Variants in PIK3R3 observed in about 807,000 individuals in gnomAD.
The protein encoded by PIK3R3 is phosphoinositide-3-kinase regulatory subunit 3.
A neutral mutation model predicts 62.9 loss-of-function variants in PIK3R3; 64 were observed. The ratio of observed to expected loss-of-function variants is 1.02; its 90% confidence interval spans 0.83 to 1.25. The LOEUF is 1.25. Among genes scored for constraint, PIK3R3 ranks in the 50% most tolerant of loss-of-function variants. PIK3R3 has a pLI of 0.00. For synonymous variants in PIK3R3, 165 were observed against 189.0 expected, an observed-to-expected ratio of 0.87 and a Z score of 1.04; for missense variants, 614 against 561.6, an observed-to-expected ratio of 1.09 and a Z score of -0.94.
At chr1:46,053,574 C>G (rs1441643450) in intron 7 of PIK3R3, among the ~76,000 whole-genome samples, 4 of 152,130 alleles carry the variant, frequency 2.6e-5, no homozygotes, top group Non-Finnish European at 5.9e-5. Context: ...CTAGCTCCTT[C>G]TACCAGGACA....
chr1:46,121,801 G>T (rs1039907646), intron 1 of PIK3R3, among the ~76,000 whole-genome samples: 4 of 152,126 alleles, frequency 2.6e-5, no homozygotes, highest in African/African-American at 7.2e-5. Flanking sequence ...TATGGATAAG[G>T]GTAGATGGTA....
At chr1:46,060,245 T>C (rs988447231) in intron 6 of PIK3R3, among the ~76,000 whole-genome samples, 3 of 152,194 alleles carry the variant, frequency 2.0e-5, no homozygotes, top group African/African-American at 7.2e-5. Flanking sequence ...CCCAGCACTT[T>C]GGGAGGCCAA....
intron 1 of PIK3R3, among the ~76,000 whole-genome samples, chr1:46,111,463 T>C (rs114894477): frequency 2.0e-3 from 311 of 152,156 alleles, no homozygotes; most frequent in African/African-American, 7.1e-3. Context: ...GCAGTGCTCA[T>C]ACCTGTAACC....
chr1:46,155,201 G>A, the PIK3R3 span, among the ~76,000 whole-genome samples: 1 of 151,854 alleles, frequency 6.6e-6, no homozygotes. Flanking sequence ...TGCACCTGTG[G>A]TCCCGCCTAC....
At chr1:46,082,491 G>C (rs1054313488) in intron 1 of PIK3R3, among the ~76,000 whole-genome samples, 1 of 152,314 alleles carries the variant, frequency 6.6e-6, no homozygotes, top group East Asian at 1.9e-4. Context: ...AATGGGATCT[G>C]AGTATGACAT....
chr1:46,073,544 A>G (rs934106155), intron 3 of PIK3R3, among the ~76,000 whole-genome samples: 10 of 152,220 alleles, frequency 6.6e-5, no homozygotes, highest in Non-Finnish European at 1.3e-4. Context: ...TAACCAAGGT[A>G]GATCAGACAC....
chr1:46,067,054 G>A lies in PIK3R3; in HGVS notation c.352C>T (p.Arg118Trp), dbSNP rs139871417. Residue 118 changes from arginine (R) to tryptophan (W), a missense_variant, in exon 4 of 10, where the codon CGG becomes TGG. Arg to Trp is a moderately radical substitution (Grantham distance 101, BLOSUM62 -3). Coordinates refer to ENST00000262741, the MANE Select transcript of PIK3R3 (RefSeq NM_003629.4). ...TCAGAAAAGCCATATTTACCATCCC[G>A]GTGATAGATCTTTATTAACTTATTA... Reference protein sequence around the residue: ...GNNKLIKIYHRDGKYGFSDPL... With the variant: ...GNNKLIKIYHWDGKYGFSDPL... The A allele has an allele frequency of 2.4e-5, 38 of 1,594,578 alleles. No homozygotes were observed. The highest frequency in any genetic ancestry group is 1.2e-4 in the East Asian group (5 of 43,150).
chr1:46,077,534 C>G lies in PIK3R3; in HGVS notation c.295G>C (p.Asp99His). ...VRDASTKMQG[D>H]YTLTLRKGGN... Reference sequence around the variant, plus strand: ...ACTTACCGCAAAGTCAAAGTATAATCTCCCTGCATTTTTGTTGAGGCATCT... The same window carrying G: ...ACTTACCGCAAAGTCAAAGTATAATGTCCCTGCATTTTTGTTGAGGCATCT... Residue 99 changes from aspartate (D) to histidine (H), a missense_variant, in exon 3 of 10, where the codon GAT becomes CAT. Physicochemically the swap from Asp to His is moderately conservative, Grantham distance 81 (BLOSUM62 -1). Coordinates refer to ENST00000262741, the MANE Select transcript of PIK3R3 (RefSeq NM_003629.4). 2 of 1,609,198 alleles carry G rather than the reference C, an allele frequency of 1.2e-6. No homozygotes were observed. The highest frequency in any genetic ancestry group is 1.7e-6 in the Non-Finnish European group (2 of 1,175,608).
the PIK3R3 span, among the ~76,000 whole-genome samples, chr1:46,162,349 C>T: frequency 4.0e-5 from 6 of 151,662 alleles, no homozygotes; most frequent in East Asian, 2.0e-4. Context: ...CTGGGAGTGA[C>T]GGTGTGTGCC....
chr1:46,067,089 T>C lies in PIK3R3; in HGVS notation c.317A>G (p.Lys106Arg), dbSNP rs1438656826. ...CTTTATTAACTTATTATTGCCTCCCTTCCTGTGAACAACAAGACAACAACT... is the reference window on the plus strand; with the variant it reads ...CTTTATTAACTTATTATTGCCTCCCCTCCTGTGAACAACAAGACAACAACT... The part of the protein sequence containing the change: ...MQGDYTLTLR[K>R]GGNNKLIKIY... Residue 106 changes from lysine to arginine, a missense_variant and splice_region_variant, in exon 4 of 10, where the codon AAG becomes AGG. Coordinates refer to ENST00000262741, the MANE Select transcript of PIK3R3 (RefSeq NM_003629.4). 6.4e-7 allele frequency: 1 copy of C among 1,554,082 alleles called. No individual in the cohort carries two copies. Among genetic ancestry groups the C allele is most frequent in the Non-Finnish European group, 8.7e-7 (1 of 1,152,676 alleles).
At chr1:46,169,537 A>C in the PIK3R3 span, among the ~76,000 whole-genome samples, 64,593 of 151,984 alleles carry the variant, frequency 0.42, 13,986 homozygotes, top group South Asian at 0.5. Context: ...GCACTTAAAC[A>C]CAATTTTAGA....
At chr1:46,149,690 C>A in the PIK3R3 span, among the ~76,000 whole-genome samples, 8 of 151,968 alleles carry the variant, frequency 5.3e-5, no homozygotes, top group Non-Finnish European at 5.9e-5. Flanking sequence ...ACCACCACAC[C>A]CAGCTATTTT....
chr1:46,058,315 T>A (rs1451366928), intron 6 of PIK3R3, among the ~76,000 whole-genome samples: 1 of 152,130 alleles, frequency 6.6e-6, no homozygotes, highest in Non-Finnish European at 1.5e-5. Flanking sequence ...TGGGGCAGTG[T>A]GGAAGGGAAA....
chr1:46,103,613 C>T (rs1652916458), intron 1 of PIK3R3, among the ~76,000 whole-genome samples: 1 of 151,550 alleles, frequency 6.6e-6, no homozygotes, highest in Non-Finnish European at 1.5e-5. Context: ...TACTTATTTA[C>T]AGACAGAGTC....
Position 46,055,824 on chromosome 1 carries a change from C to G in PIK3R3, c.912G>C (p.Gln304His). ...GGTGTTGATCTCGGATCTTTCGCAG[C>G]TGGATCAGGTCAGGTTTGATGCTAT... ...KMNSIKPDLI[Q>H]LRKIRDQHLV... is the part of the protein sequence containing the mutation. The change falls in exon 7 of 10, where the codon CAG (glutamine) becomes CAC (histidine). Residue 304 changes from glutamine to histidine, a missense_variant. Coordinates refer to ENST00000262741, the MANE Select transcript of PIK3R3 (RefSeq NM_003629.4). The G allele has an allele frequency of 6.6e-7, 1 of 1,512,030 alleles. No homozygotes were observed. Among genetic ancestry groups the G allele is most frequent in the Non-Finnish European group, 8.8e-7 (1 of 1,130,596 alleles). The allele number at this position is 1,512,030 out of a possible 1,614,324, so 93.7% of individuals were successfully genotyped here.
the PIK3R3 span, among the ~76,000 whole-genome samples, chr1:46,159,121 A>AAAT: frequency 1.3e-5 from 2 of 148,156 alleles, no homozygotes; most frequent in Admixed American, 6.7e-5. Flanking sequence ...ATAAATAAAT[A>AAAT]AAATAAAATG....
At chr1:46,126,928 T>C (rs1323261076) in intron 1 of PIK3R3, among the ~76,000 whole-genome samples, 2 of 152,126 alleles carry the variant, frequency 1.3e-5, no homozygotes, top group Non-Finnish European at 2.9e-5. Flanking sequence ...CTAAAAGGGG[T>C]ACTGAGACCA....
In PIK3R3 at chr1:46,093,716, G is replaced by A. The variant is rs933361023; in HGVS notation, c.107-12966C>T. ...ACCAGCCTAGGCAAATTAGCCATGC[G>A]TGGTGGCAGGTGCCTGTAATCCCAG... On this transcript the variant is annotated intron_variant, in intron 1 of 9. Transcript: ENST00000262741. Among the ~76,000 whole-genome samples the A allele has an allele frequency of 5.9e-5, 9 of 151,964 alleles. No homozygotes were observed. In the East Asian group the frequency reaches 7.7e-4, roughly 13 times the overall value.
At position 46,042,193 on chromosome 1, in the gene PIK3R3, T is replaced by A. The variant is rs749860628; in HGVS notation, c.*1480A>T. On this transcript the variant is annotated 3_prime_UTR_variant, in exon 10 of 10. Coordinates refer to ENST00000262741, the MANE Select transcript of PIK3R3 (RefSeq NM_003629.4). The surrounding 1 kb of genome is among the most constrained non-coding windows in gnomAD (Gnocchi z 4.3). ...GTGTGGGGCATGATGGGGGCAGGAA[T>A]AGATGCCTGCCCCCACTCCATTTGC... 1.8e-4 allele frequency: 39 copies of A among 222,666 alleles called. No homozygotes were observed. Among genetic ancestry groups the A allele is most frequent in the Middle Eastern group, 1.4e-3 (1 of 718 alleles). The allele number at this position is 222,666 out of a possible 1,614,324, so 13.8% of individuals were successfully genotyped here.
Sources: gnomAD v4.1 joint callset for allele counts (sites outside exome capture counted in the v4.1 genomes callset) on GRCh38, gnomAD v4.1.1 for gene constraint, Gnocchi (gnomAD v3.1) non-coding constraint, MANE v1.5 for transcripts, NCBI Gene and HGNC (gene_info 2026-07-23, HGNC 2026-07-21) for gene names.